HIVEP3: variants seen among roughly 807,000 people sequenced by gnomAD.
The protein encoded by HIVEP3 is transcription factor HIVEP3.
A neutral mutation model predicts 152.8 loss-of-function variants in HIVEP3; 49 were observed. The ratio of observed to expected loss-of-function variants is 0.32; its 90% CI spans 0.26 to 0.41. The LOEUF (loss-of-function observed/expected upper bound fraction) is 0.41, where lower values mean the gene tolerates loss of function less well. Among genes scored for constraint, HIVEP3 ranks in the 10% least tolerant of loss-of-function variants. The pLI, the probability that HIVEP3 is intolerant of heterozygous loss-of-function variation, is 1.00. For synonymous variants in HIVEP3, 1,269 were observed against 1,289.0 expected (o/e 0.98, Z 0.33); for missense variants, 2,790 against 3,103.3 (o/e 0.90, Z 2.40).
intron 3 of HIVEP3, among the ~76,000 whole-genome samples, chr1:41,612,473 T>C (rs1432315795): frequency 1.3e-5 from 2 of 152,180 alleles, no homozygotes; most frequent in Non-Finnish European, 2.9e-5. Context: ...TCTAACATAC[T>C]TCATAACTAA....
At chr1:41,945,990 A>G (rs905572877) in intron 1 of HIVEP3, among the ~76,000 whole-genome samples, 2 of 152,162 alleles carry the variant, frequency 1.3e-5, no homozygotes, top group African/African-American at 2.4e-5. Context: ...GATTTTTACA[A>G]TAGAGGTCAG....
In HIVEP3 at chr1:42,014,149, C is replaced by T. The variant is rs1018329923; in HGVS notation, n.119+21658G>A. ...CTTCATTTTGGCACTGCCAGGAAGCCAGTCCTTTTCCACCCAAAGGACAGC... is the reference window on the plus strand; with the variant it reads ...CTTCATTTTGGCACTGCCAGGAAGCTAGTCCTTTTCCACCCAAAGGACAGC... On this transcript the variant is annotated intron_variant and non_coding_transcript_variant, in intron 1 of 3. Coordinates refer to the HIVEP3 transcript ENST00000489103. Among the ~76,000 whole-genome samples, 8 of 152,236 alleles carry T rather than the reference C, an allele frequency of 5.3e-5. No homozygotes were observed. The South Asian group carries it at 1.5e-3, about 28-fold the overall frequency.
chr1:41,573,095 C>A (rs1305703115), intron 5 of HIVEP3, among the ~76,000 whole-genome samples: 3 of 152,130 alleles, frequency 2.0e-5, no homozygotes, highest in Non-Finnish European at 4.4e-5. Flanking sequence ...AGCTCCATAG[C>A]AGATCCTTCT....
intron 1 of HIVEP3, among the ~76,000 whole-genome samples, chr1:41,850,169 G>C (rs545938587): frequency 6.6e-6 from 1 of 152,274 alleles, no homozygotes; most frequent in East Asian, 1.9e-4. Flanking sequence ...CCCAAGCCCA[G>C]CTATTGCTGG....
chr1:41,580,847 C>T lies in HIVEP3; in HGVS notation c.3951G>A (p.Leu1317=), dbSNP rs1461408264. ...TGGTCTGAACACGGACAGGCACAAC[C>T]AGGGACACCATGGTGTCTGGACAGG... ...LPACPDTMVS[L]VVPVRVQTNM... Residue 1317 remains leucine (L), a synonymous_variant, in exon 4 of 9, where the codon CTG becomes CTA. Coordinates refer to ENST00000372583, the MANE Select transcript of HIVEP3 (RefSeq NM_024503.5). 1.3e-6 allele frequency: 2 copies of T among 1,595,968 alleles called. No individual in the cohort carries two copies. Among genetic ancestry groups the T allele is most frequent in the South Asian group, 1.2e-5 (1 of 86,840 alleles).
chr1:41,792,685 C>A (rs938737124), intron 1 of HIVEP3, among the ~76,000 whole-genome samples: 3 of 152,220 alleles, frequency 2.0e-5, no homozygotes, highest in Non-Finnish European at 2.9e-5. Flanking sequence ...CTGACTGGGG[C>A]CTTCCCTCTA....
intron 3 of HIVEP3, among the ~76,000 whole-genome samples, chr1:41,618,273 C>T (rs1182184858): frequency 1.3e-5 from 2 of 152,244 alleles, no homozygotes; most frequent in African/African-American, 2.4e-5. Context: ...TCAGCAGACT[C>T]TGCGGTTATG....
chr1:41,585,382 G>C (rs1196239840), intron 3 of HIVEP3, 64 bp from the exon 4 acceptor site: 1 of 398,506 alleles, frequency 2.5e-6, no homozygotes, highest in Non-Finnish European at 4.4e-6. Context: ...AGAGTTACTG[G>C]GACTCATGCA....
At chr1:41,527,884 C>T (rs1439444562) in intron 5 of HIVEP3, among the ~76,000 whole-genome samples, 3 of 144,552 alleles carry the variant, frequency 2.1e-5, no homozygotes, top group African/African-American at 7.7e-5. Flanking sequence ...CACATTCACA[C>T]TCACACCCCA....
At chr1:41,893,278 G>T (rs1266777061) in intron 1 of HIVEP3, among the ~76,000 whole-genome samples, 2 of 152,144 alleles carry the variant, frequency 1.3e-5, no homozygotes, top group Admixed American at 6.5e-5. Context: ...AGGAAATAAG[G>T]TGATAAGTGG....
intron 1 of HIVEP3, among the ~76,000 whole-genome samples, chr1:41,836,983 T>C (rs1643143029): frequency 6.6e-6 from 1 of 152,212 alleles, no homozygotes; most frequent in African/African-American, 2.4e-5. Flanking sequence ...CTTAGAACCT[T>C]CTAGGAGCTT....
At position 41,510,777 on chromosome 1, in the gene HIVEP3, G is replaced by C. The variant is rs559497517; in HGVS notation, c.6895C>G (p.Pro2299Ala). ...PDWTPHGTGA[P>A]AEPTPTHSPC... ...CTGTGCGTGGGTGTGGGCTCTGCAG[G>C]TGCCCCGGTCCCATGGGGTGTCCAG... The change falls in exon 9 of 9, where the codon CCT becomes GCT. Residue 2299 changes from proline (P) to alanine (A), a missense_variant. Physicochemically the swap from Pro to Ala is conservative, Grantham distance 27. Coordinates refer to ENST00000372583, the MANE Select transcript of HIVEP3 (RefSeq NM_024503.5). The C allele has an allele frequency of 6.2e-7, 1 of 1,604,704 alleles. No individual in the cohort carries two copies. The highest frequency in any genetic ancestry group is 2.2e-5 in the East Asian group (1 of 44,598).
chr1:41,552,901 G>A (rs562132641), intron 5 of HIVEP3, among the ~76,000 whole-genome samples: 9 of 152,316 alleles, frequency 5.9e-5, no homozygotes, highest in African/African-American at 2.2e-4. Context: ...ATTTGCTGAG[G>A]AGTGCTTTAC....
At chr1:41,612,230 T>C (rs533623687) in intron 3 of HIVEP3, among the ~76,000 whole-genome samples, 34 of 152,198 alleles carry the variant, frequency 2.2e-4, no homozygotes, top group Non-Finnish European at 4.4e-4. Context: ...TGCCAGTTTC[T>C]CCCTGGGACC....
chr1:42,002,337 T>A (rs964542293), intron 1 of HIVEP3, among the ~76,000 whole-genome samples: 2 of 152,008 alleles, frequency 1.3e-5, no homozygotes, highest in African/African-American at 4.8e-5. Flanking sequence ...CTTCTCACCT[T>A]CCCTGGCCTC....
chr1:42,025,586 T>G (rs375477598), intron 1 of HIVEP3, among the ~76,000 whole-genome samples: 1 of 152,262 alleles, frequency 6.6e-6, no homozygotes, highest in Non-Finnish European at 1.5e-5. Flanking sequence ...TTTCTGACTG[T>G]ACTGCTCATT....
At chr1:42,027,866 G>T (rs1645591413) in intron 1 of HIVEP3, among the ~76,000 whole-genome samples, 1 of 152,118 alleles carries the variant, frequency 6.6e-6, no homozygotes, top group Admixed American at 6.5e-5. Context: ...AATAGCACAG[G>T]AAAGACTGGC....
intron 1 of HIVEP3, among the ~76,000 whole-genome samples, chr1:41,792,450 G>C (rs1162855402): frequency 6.6e-6 from 1 of 152,172 alleles, no homozygotes; most frequent in Non-Finnish European, 1.5e-5. Context: ...AGCCGTGGTG[G>C]TGCTGCCTGT....
At chr1:41,933,674 G>T (rs941998515) in intron 1 of HIVEP3, among the ~76,000 whole-genome samples, 9 of 152,048 alleles carry the variant, frequency 5.9e-5, no homozygotes, top group African/African-American at 2.2e-4. Flanking sequence ...TGTGATTATA[G>T]ATATGGTCAA....
Sources: gnomAD v4.1 joint callset for allele counts (sites outside exome capture counted in the v4.1 genomes callset) on GRCh38, gnomAD v4.1.1 for gene constraint, MANE v1.5 for transcripts, NCBI Gene and HGNC (gene_info 2026-07-23, HGNC 2026-07-21) for gene names.